LARS1: variants seen among roughly 807,000 people sequenced by gnomAD.
LARS1 encodes the protein leucine--tRNA ligase, cytoplasmic.
LARS1 carries 100 observed loss-of-function variants against 162.8 expected under a neutral mutation model. That is an observed-to-expected ratio of 0.61 (90% CI 0.52 to 0.73). The LOEUF (loss-of-function observed/expected upper bound fraction) is 0.73. LARS1 is among the 30% of genes least tolerant of loss of function. The probability of loss-of-function intolerance (pLI) is 0.00; values close to 1 mark genes in which losing one functional copy is unlikely to be tolerated. For synonymous variants in LARS1, 457 were observed against 462.8 expected, an observed-to-expected ratio of 0.99 and a Z score of 0.16; for missense variants, 1,258 against 1,408.9, an observed-to-expected ratio of 0.89 and a Z score of 1.71.
chr5:146,154,613 A>G (rs1375696651), intron 10 of LARS1, among the ~76,000 whole-genome samples: 2 of 151,928 alleles, frequency 1.3e-5, no homozygotes, highest in Non-Finnish European at 2.9e-5. Context: ...CCCCGTCTCT[A>G]CTAAAATACA....
intron 29 of LARS1, among the ~76,000 whole-genome samples, chr5:146,123,683 TG>T (rs1751924912): frequency 6.6e-6 from 1 of 151,882 alleles, no homozygotes; most frequent in African/African-American, 2.4e-5. Flanking sequence ...GGAAAGCATT[TG>T]AATATAAGGT....
intron 4 of LARS1, among the ~76,000 whole-genome samples, chr5:146,170,765 T>C (rs1354884240): frequency 6.7e-6 from 1 of 149,152 alleles, no homozygotes; most frequent in Non-Finnish European, 1.5e-5. Context: ...GAGGCCGAGG[T>C]GGGCAGATTA....
At chr5:146,174,197 C>A (rs948227570) in intron 2 of LARS1, among the ~76,000 whole-genome samples, 1 of 144,828 alleles carries the variant, frequency 6.9e-6, no homozygotes, top group Non-Finnish European at 1.5e-5. Context: ...CACCTCTAAT[C>A]CCAGCACTTT....
At chr5:146,179,491 G>A (rs1754738653) in intron 1 of LARS1, among the ~76,000 whole-genome samples, 1 of 152,112 alleles carries the variant, frequency 6.6e-6, no homozygotes, top group Non-Finnish European at 1.5e-5. Flanking sequence ...TATTTTTACA[G>A]AGGAAAGGAC....
intron 10 of LARS1, among the ~76,000 whole-genome samples, chr5:146,156,460 G>A (rs538073703): frequency 3.9e-5 from 6 of 152,232 alleles, no homozygotes; most frequent in African/African-American, 1.2e-4. Flanking sequence ...TTGGGAGGCC[G>A]AGGTGGGTGG....
chr5:146,148,329 C>T (rs1010440308), intron 15 of LARS1, among the ~76,000 whole-genome samples: 2 of 152,150 alleles, frequency 1.3e-5, no homozygotes, highest in African/African-American at 4.8e-5. Flanking sequence ...AGCCAGAAAG[C>T]GCTGGAAGAG....
chr5:146,179,757 A>G, intron 1 of LARS1: 1 of 333,618 alleles, frequency 3.0e-6, no homozygotes. Context: ...ATGCACCACC[A>G]TACCCAGATA....
chr5:146,128,375 CCTTTT>C (rs777712248), intron 27 of LARS1, among the ~76,000 whole-genome samples: 34 of 152,222 alleles, frequency 2.2e-4, no homozygotes, highest in Admixed American at 3.3e-4. Context: ...CAAACTCTGT[CCTTTT>C]ATTTCATCAT....
intron 15 of LARS1, 70 bp from the exon 16 acceptor site, chr5:146,144,779 T>A: frequency 7.2e-7 from 1 of 1,398,530 alleles, no homozygotes; most frequent in Non-Finnish European, 1.0e-6. Flanking sequence ...AGGATAAAAA[T>A]TACTTTAAAA....
At chr5:146,133,172 C>T in intron 22 of LARS1, 91 bp from the exon 23 acceptor site, 2 of 1,052,572 alleles carry the variant, frequency 1.9e-6, no homozygotes, top group Admixed American at 2.7e-5. Flanking sequence ...CCTTGCAAAG[C>T]CCATATATAA....
chr5:146,126,432 T>C lies in LARS1; in HGVS notation c.2991+3A>G, dbSNP rs781033960. On this transcript the variant is annotated splice_donor_region_variant and intron_variant, in intron 28 of 31. Coordinates refer to ENST00000394434, the MANE Select transcript of LARS1 (RefSeq NM_020117.11). ...TCACAGCTGCATAAGGTCCACAGCTTACCTTAATCATGGCAACAAATGGCA... is the reference window on the plus strand; with the variant it reads ...TCACAGCTGCATAAGGTCCACAGCTCACCTTAATCATGGCAACAAATGGCA... 1.3e-6 allele frequency: 2 copies of C among 1,579,338 alleles called. No homozygotes were observed. The highest frequency in any genetic ancestry group is 1.7e-6 in the Non-Finnish European group (2 of 1,148,980).
In LARS1 at chr5:146,120,423, A is replaced by C. The variant is rs1360511829; in HGVS notation, c.3273T>G (p.Asp1091Glu). 8 of 1,613,488 alleles carry C rather than the reference A, an allele frequency of 5.0e-6. No homozygotes were observed. Among genetic ancestry groups the C allele is most frequent in the Non-Finnish European group, 6.8e-6 (8 of 1,179,532 alleles). The change falls in exon 31 of 32, where the codon GAT becomes GAG. Residue 1091 changes from aspartate to glutamate, a missense_variant. By Grantham distance (45) the Asp-to-Glu change is conservative (BLOSUM62 2). Coordinates refer to ENST00000394434, the MANE Select transcript of LARS1 (RefSeq NM_020117.11). ...FSTKIEIRQGDNCDSIIRRLM... is the reference protein window; with the variant it reads ...FSTKIEIRQGENCDSIIRRLM... ...AACGCCTGATTATGGAATCACAGTT[A>C]TCTCCTTGCCTGATTTCAATTTTGG...
At chr5:146,120,524 T>G in intron 30 of LARS1, 21 bp from the exon 31 acceptor site, 1 of 1,605,846 alleles carries the variant, frequency 6.2e-7, no homozygotes, top group Non-Finnish European at 8.5e-7. Context: ...AACAAGAAAA[T>G]GATTGTTTAA....
intron 15 of LARS1, among the ~76,000 whole-genome samples, chr5:146,145,512 A>G (rs1752974569): frequency 1.3e-5 from 2 of 152,166 alleles, no homozygotes; most frequent in South Asian, 4.1e-4. Context: ...AAAACTGACC[A>G]TGTTTTTGAT....
At chr5:146,167,794 G>T (rs1754082651) in intron 5 of LARS1, among the ~76,000 whole-genome samples, 1 of 151,938 alleles carries the variant, frequency 6.6e-6, no homozygotes, top group African/African-American at 2.4e-5. Flanking sequence ...CTCCCCAAGT[G>T]CTGGGATTAC....
intron 5 of LARS1, among the ~76,000 whole-genome samples, chr5:146,166,150 T>G (rs1459520038): frequency 6.6e-6 from 1 of 152,038 alleles, no homozygotes; most frequent in Non-Finnish European, 1.5e-5. Context: ...ACACCATTCT[T>G]CAATAAAAGA....
chr5:146,162,771 C>G (rs899128196), intron 6 of LARS1, among the ~76,000 whole-genome samples: 3 of 152,224 alleles, frequency 2.0e-5, no homozygotes, highest in African/African-American at 7.2e-5. Flanking sequence ...CATCAATGAT[C>G]TTAGCTAGAT....
At position 146,122,564 on chromosome 5, in the gene LARS1, A is replaced by G; in HGVS notation, c.3120T>C (p.Phe1040=). 6.2e-7 allele frequency: 1 copy of G among 1,609,388 alleles called. No individual in the cohort carries two copies. Among genetic ancestry groups the G allele is most frequent in the Non-Finnish European group, 8.5e-7 (1 of 1,176,606 alleles). ...TGATTTTATCTTCTGCTTCGGAGGC[A>G]AACTTGACTTCTATGTGTTCTAGCT... ...SLELEHIEVK[F]ASEAEDKIRE... is the part of the protein sequence containing the mutation. The change falls in exon 30 of 32, where the codon TTT becomes TTC. Residue 1040 remains phenylalanine (F), a synonymous_variant. Transcript: ENST00000394434.
intron 5 of LARS1, among the ~76,000 whole-genome samples, chr5:146,167,096 A>G (rs1306631228): frequency 1.3e-5 from 2 of 152,236 alleles, no homozygotes; most frequent in Non-Finnish European, 2.9e-5. Context: ...CGTTAAAAGT[A>G]TAAAGGTCAT....
Sources: gnomAD v4.1 joint callset for allele counts (sites outside exome capture counted in the v4.1 genomes callset) on GRCh38, gnomAD v4.1.1 for gene constraint, MANE v1.5 for transcripts, NCBI Gene and HGNC (gene_info 2026-07-23, HGNC 2026-07-21) for gene names.